The following EDNRA variants were observed in gnomAD, a reference collection of about 807,000 sequenced individuals.
EDNRA encodes endothelin-1 receptor.
Under a neutral mutation model 41.4 loss-of-function variants are expected in EDNRA, and 11 were observed. The ratio of observed to expected loss-of-function variants is 0.27; its 90% confidence interval spans 0.17 to 0.44. The LOEUF is 0.44. EDNRA is among the 20% of genes least tolerant of loss of function. The pLI, the probability that EDNRA is intolerant of heterozygous loss-of-function variation, is 1.00. For missense variants in EDNRA, 294 were observed against 531.0 expected, an observed-to-expected ratio of 0.55 and a Z score of 4.39; for synonymous variants, 172 against 183.0, an observed-to-expected ratio of 0.94 and a Z score of 0.49.
At chr4:147,524,632 C>T (rs1440036337) in intron 3 of EDNRA, among the ~76,000 whole-genome samples, 2 of 150,908 alleles carry the variant, frequency 1.3e-5, no homozygotes, top group African/African-American at 4.9e-5. Context: ...TTTAAAATTC[C>T]ACTCTCACAA....
Position 147,519,727 on chromosome 4 carries a change from A to G in EDNRA, c.421-124A>G. 8.8e-7 allele frequency: 1 copy of G among 1,134,674 alleles called. No homozygotes were observed. Among genetic ancestry groups the G allele is most frequent in the Non-Finnish European group, 1.2e-6 (1 of 830,574 alleles). 70.3% of individuals were successfully genotyped at this position (1,134,674 alleles called of 1,614,324 possible). A position where few individuals can be genotyped will look rare whatever the true frequency, so the allele number is the denominator to read the frequency against. On this transcript the variant is annotated intron_variant, in intron 2 of 7. Coordinates refer to ENST00000651419, the MANE Select transcript of EDNRA (RefSeq NM_001957.4). The surrounding 1 kb of genome is among the most constrained non-coding windows in gnomAD (Gnocchi z 4.1). ...ATAACAATTCTAATACTCTTTTGCT[A>G]CAGTGCTAACTGAAAAGCACTGTGA...
intron 3 of EDNRA, among the ~76,000 whole-genome samples, chr4:147,520,859 T>C (rs982105647): frequency 1.3e-5 from 2 of 152,242 alleles, no homozygotes; most frequent in African/African-American, 2.4e-5. Flanking sequence ...AGATATTCTG[T>C]TATTTTACAT....
intron 2 of EDNRA, among the ~76,000 whole-genome samples, chr4:147,498,197 A>C (rs960315129): frequency 1.3e-5 from 2 of 152,238 alleles, no homozygotes; most frequent in South Asian, 2.1e-4. Flanking sequence ...GAAATGTCTG[A>C]GCACTGCATT....
chr4:147,535,250 A>C (rs1730879358), intron 4 of EDNRA, among the ~76,000 whole-genome samples: 1 of 152,214 alleles, frequency 6.6e-6, no homozygotes. Flanking sequence ...GATATGCTTC[A>C]GTTGAGATAT....
chr4:147,536,256 A>G (rs1447443366), intron 5 of EDNRA, among the ~76,000 whole-genome samples: 2 of 152,094 alleles, frequency 1.3e-5, no homozygotes, highest in South Asian at 2.1e-4. Flanking sequence ...GAGAAGAACT[A>G]TCCCTCTATT....
At chr4:147,498,501 T>C (rs969123677) in intron 2 of EDNRA, among the ~76,000 whole-genome samples, 1 of 152,184 alleles carries the variant, frequency 6.6e-6, no homozygotes, top group African/African-American at 2.4e-5. Context: ...CCTGTTTTTG[T>C]AAATGAAGTT....
intron 2 of EDNRA, chr4:147,495,371 C>G (rs528698397): frequency 6.6e-6 from 1 of 152,334 alleles, no homozygotes; most frequent in South Asian, 2.1e-4. Flanking sequence ...CCTTTATCTT[C>G]TCCACTAAAT....
chr4:147,497,640 T>C (rs1227330378), intron 2 of EDNRA, among the ~76,000 whole-genome samples: 3 of 152,030 alleles, frequency 2.0e-5, no homozygotes, highest in South Asian at 2.1e-4. Context: ...GGCGCGATCT[T>C]GGCTCACTAC....
intron 5 of EDNRA, 67 bp downstream of exon 5, chr4:147,536,096 A>G (rs1730911744): frequency 1.3e-6 from 2 of 1,549,702 alleles, no homozygotes; most frequent in African/African-American, 2.7e-5. Flanking sequence ...CAGGCCTGCA[A>G]ATACCATCTT....
intron 3 of EDNRA, among the ~76,000 whole-genome samples, chr4:147,528,824 A>G (rs1335872151): frequency 6.6e-6 from 1 of 152,112 alleles, no homozygotes; most frequent in African/African-American, 2.4e-5. Flanking sequence ...CAATTGAGTA[A>G]AAACCGGAAG....
chr4:147,535,811 G>A (rs944202315), intron 4 of EDNRA, 66 bp from the exon 5 acceptor site: 4 of 1,578,866 alleles, frequency 2.5e-6, no homozygotes, highest in African/African-American at 1.4e-5. Flanking sequence ...GCTACCAGAG[G>A]CACAGCATGG....
At chr4:147,541,180 G>C (rs920178027) in intron 7 of EDNRA, among the ~76,000 whole-genome samples, 10 of 150,672 alleles carry the variant, frequency 6.6e-5, no homozygotes, top group African/African-American at 2.4e-4. Flanking sequence ...GTGGGAATCT[G>C]AACAAATATA....
rs34825006 is a variant in EDNRA at position 147,507,216 on chromosome 4, G to GA, written c.421-12624dup. Among the ~76,000 whole-genome samples, 861 of 129,312 alleles carry GA rather than the reference G, an allele frequency of 6.7e-3. 3 individuals are homozygous for GA. Among genetic ancestry groups the GA allele is most frequent in the Non-Finnish European group, 9.1e-3 (576 of 63,128 alleles). The allele number at this position is 129,312 out of a possible 152,430, so 84.8% of individuals were successfully genotyped here. On this transcript the variant is annotated intron_variant, in intron 2 of 7. Transcript: ENST00000651419. ...GCCAAAGTTCCTTATTTTGAGGGGG[G>GA]AAAAAAAAAAACCCTGTACATTAAC...
Position 147,542,775 on chromosome 4 carries a change from GT to G in EDNRA, c.*160del. On this transcript the variant is annotated 3_prime_UTR_variant, in exon 8 of 8. Coordinates refer to ENST00000651419, the MANE Select transcript of EDNRA (RefSeq NM_001957.4). ...TTTCCAAAACCGCAAGGGTAGACTGGTTTATCCACCCACAACATCTACGAAT... is the reference window on the plus strand; with the variant it reads ...TTTCCAAAACCGCAAGGGTAGACTGGTTATCCACCCACAACATCTACGAAT... The G allele has an allele frequency of 1.2e-6, 1 of 856,656 alleles. No individual in the cohort carries two copies. 53.1% of individuals were successfully genotyped at this position (856,656 alleles called of 1,614,324 possible).
intron 5 of EDNRA, among the ~76,000 whole-genome samples, chr4:147,536,304 C>T (rs999128245): frequency 6.6e-6 from 1 of 152,210 alleles, no homozygotes; most frequent in East Asian, 1.9e-4. Flanking sequence ...TATGTGAGTT[C>T]GTGCATTCAA....
chr4:147,505,186 C>G (rs60185960), intron 2 of EDNRA, among the ~76,000 whole-genome samples: 1 of 138,250 alleles, frequency 7.2e-6, no homozygotes, highest in Non-Finnish European at 1.5e-5. Flanking sequence ...TACACCCTAT[C>G]TGAATGGCTA....
At chr4:147,527,718 A>G (rs4639051) in intron 3 of EDNRA, among the ~76,000 whole-genome samples, 30,981 of 152,174 alleles carry the variant, frequency 0.2, 3,649 homozygotes, top group African/African-American at 0.33. Flanking sequence ...AGGCACACGC[A>G]CTAACAAACA....
chr4:147,542,659 C>A lies in EDNRA; in HGVS notation c.*41C>A. 2 of 1,590,556 alleles carry A rather than the reference C, an allele frequency of 1.3e-6. No individual in the cohort carries two copies. The highest frequency in any genetic ancestry group is 2.3e-5 in the South Asian group (2 of 87,740). ...CTCCTCGGTACTCCCATAATCCTCT[C>A]GGAGAAAAAAATCACAAGGCAACTG... On this transcript the variant is annotated 3_prime_UTR_variant, in exon 8 of 8. Coordinates refer to ENST00000651419, the MANE Select transcript of EDNRA (RefSeq NM_001957.4).
chr4:147,518,049 GAACA>G (rs1730176834), intron 2 of EDNRA, among the ~76,000 whole-genome samples: 1 of 152,152 alleles, frequency 6.6e-6, no homozygotes, highest in African/African-American at 2.4e-5. Context: ...CTCCGGGAAT[GAACA>G]AACAAACAAT....
Sources: gnomAD v4.1 joint callset for allele counts (sites outside exome capture counted in the v4.1 genomes callset) on GRCh38, gnomAD v4.1.1 for gene constraint, Gnocchi (gnomAD v3.1) non-coding constraint, MANE v1.5 for transcripts, NCBI Gene and HGNC (gene_info 2026-07-23, HGNC 2026-07-21) for gene names.